Variants in ETFB observed in about 807,000 individuals in gnomAD.
ETFB encodes the protein beta-ETF.
ETFB carries 20 observed loss-of-function variants against 25.6 expected under a neutral mutation model. That is an observed-to-expected ratio of 0.78 (90% CI 0.55 to 1.14). The LOEUF is 1.14. ETFB is among the 50% of genes most tolerant of loss of function. The pLI is 0.00. For synonymous variants in ETFB, 142 were observed against 146.7 expected (o/e 0.97, Z 0.23); for missense variants, 286 against 342.6 (o/e 0.83, Z 1.30).
At chr19:51,350,468 G>T in intron 3 of ETFB, 77 bp from the exon 4 acceptor site, 1 of 799,660 alleles carries the variant, frequency 1.3e-6, no homozygotes, top group Non-Finnish European at 2.2e-6. Flanking sequence ...CTAGAACAGG[G>T]GTTGGCAAAC....
rs1599838808 is a variant in ETFB at position 51,347,190 on chromosome 19, A to G, written c.439-132T>C. The G allele has an allele frequency of 1.6e-5, 15 of 923,858 alleles. No individual in the cohort carries two copies. The East Asian group carries it at 3.1e-4, about 19-fold the overall frequency. The allele number at this position is 923,858 out of a possible 1,614,324, so 57.2% of individuals were successfully genotyped here. A position where few individuals can be genotyped will look rare whatever the true frequency, so the allele number is the denominator to read the frequency against. On this transcript the variant is annotated intron_variant, in intron 4 of 5. Transcript: ENST00000309244. ...GAGGGAGCGAACAATGCAGGGTCCC[A>G]TGAGGTTTAGAATCGAGCTTGTACA...
chr19:51,353,976 A>G (rs34421341), intron 2 of ETFB, among the ~76,000 whole-genome samples, 174 bp downstream of exon 2: 11 of 130,364 alleles, frequency 8.4e-5, no homozygotes, highest in African/African-American at 1.2e-4. Context: ...CCAGGAGTCC[A>G]GGCCCCCATC....
chr19:51,356,199 T>C (rs1034614197), intron 1 of ETFB: 1 of 152,102 alleles, frequency 6.6e-6, no homozygotes, highest in Non-Finnish European at 1.5e-5. Context: ...AGAGCTTTCT[T>C]CTTTTGCTTA....
At chr19:51,362,172 C>T (rs903714338) in intron 1 of ETFB, among the ~76,000 whole-genome samples, 22 of 137,560 alleles carry the variant, frequency 1.6e-4, no homozygotes, top group African/African-American at 5.2e-4. Context: ...TACACACACA[C>T]ACACACACAC....
Position 51,347,056 on chromosome 19 carries a change from G to A in ETFB, c.441C>T (p.Gly147=). ...CCAGCGTCACCTGGGAGGCGAATGT[G>A]CCCTGGGGAGGGACAGTGTAGGAGG... ...MTAGFLDWPQ[G]TFASQVTLEG... Residue 147 remains glycine, a splice_region_variant and synonymous_variant, in exon 5 of 6, where the codon GGC becomes GGT. Transcript: ENST00000309244. The A allele has an allele frequency of 1.2e-6, 2 of 1,613,994 alleles. No homozygotes were observed. The highest frequency in any genetic ancestry group is 1.3e-5 in the African/African-American group (1 of 75,042).
chr19:51,346,576 C>T (rs1985788426), intron 5 of ETFB: 1 of 319,386 alleles, frequency 3.1e-6, no homozygotes, highest in Non-Finnish European at 5.9e-6. Flanking sequence ...AGGGGACCCT[C>T]CCTAATGAAC....
At position 51,350,333 on chromosome 19, in the gene ETFB, G is replaced by A; in HGVS notation, c.434C>T (p.Pro145Leu). Reference sequence around the variant, plus strand: ...TGCTCCCCACTCCAGTCTCACCTGTGGCCAGTCAAGAAATCCAGCTGTCAT... The same window carrying A: ...TGCTCCCCACTCCAGTCTCACCTGTAGCCAGTCAAGAAATCCAGCTGTCAT... Reference protein sequence around the residue: ...GQMTAGFLDWPQGTFASQVTL... With the variant: ...GQMTAGFLDWLQGTFASQVTL... The change falls in exon 4 of 6, where the codon CCA (proline) becomes CTA (leucine). Residue 145 changes from proline to leucine, a missense_variant. Pro to Leu is a moderately conservative substitution (Grantham distance 98). Transcript: ENST00000309244. 1.2e-6 allele frequency: 2 copies of A among 1,610,652 alleles called. No homozygotes were observed. Among genetic ancestry groups the A allele is most frequent in the South Asian group, 2.2e-5 (2 of 90,198 alleles).
At chr19:51,350,075 C>T in intron 4 of ETFB, 2 of 462,744 alleles carry the variant, frequency 4.3e-6, no homozygotes, top group South Asian at 4.1e-5. Context: ...ATTGGACTGG[C>T]AGAGATGGGG....
At chr19:51,353,965 C>A (rs1391866840) in intron 2 of ETFB, among the ~76,000 whole-genome samples, 185 bp downstream of exon 2, 2 of 146,590 alleles carry the variant, frequency 1.4e-5, no homozygotes, top group Non-Finnish European at 3.0e-5. Context: ...CTTCCTCAGA[C>A]CCAGGAGTCC....
At chr19:51,354,669 A>C in intron 1 of ETFB, 2 of 1,605,692 alleles carry the variant, frequency 1.2e-6, no homozygotes, top group Non-Finnish European at 8.5e-7. Context: ...ATATAAATAC[A>C]TAATACACTG....
chr19:51,354,344 GA>G, intron 1 of ETFB, 36 bp from the exon 2 acceptor site: 2 of 1,614,058 alleles, frequency 1.2e-6, no homozygotes, highest in Non-Finnish European at 1.7e-6. Flanking sequence ...GGGTCAGGAG[GA>G]AACAGGCAAG....
At chr19:51,361,997 C>T (rs964631499) in intron 1 of ETFB, among the ~76,000 whole-genome samples, 6 of 152,118 alleles carry the variant, frequency 3.9e-5, no homozygotes. Context: ...CCACCAGGCC[C>T]AGCCTTTCTC....
chr19:51,354,429 T>C (rs1430660422), intron 1 of ETFB, 121 bp from the exon 2 acceptor site: 28 of 1,613,782 alleles, frequency 1.7e-5, no homozygotes, highest in Non-Finnish European at 2.4e-5. Flanking sequence ...GGGCAGGGCC[T>C]TGTCCGGGGT....
Position 51,345,336 on chromosome 19 carries a change from C to T in ETFB, c.643G>A (p.Gly215Ser). ...GAGAGCTTGGAGGTCAGGTCCACAC[C>T]CAGGTCCCCAGGCTTGATCACCTCG... ...KIEVIKPGDLGVDLTSKLSVI... is the reference protein window; with the variant it reads ...KIEVIKPGDLSVDLTSKLSVI... The change falls in exon 6 of 6, where the codon GGT becomes AGT. Residue 215 changes from glycine (G) to serine (S), a missense_variant. Transcript: ENST00000309244. 1 of 1,614,114 alleles carries T rather than the reference C, an allele frequency of 6.2e-7. No individual in the cohort carries two copies. The highest frequency in any genetic ancestry group is 1.6e-4 in the Middle Eastern group (1 of 6,062).
At chr19:51,366,205 C>T in intron 1 of ETFB, 65 bp downstream of exon 1, 3 of 1,512,146 alleles carry the variant, frequency 2.0e-6, no homozygotes, top group South Asian at 1.1e-5. Context: ...ACCCAGTGTG[C>T]GCTCGTGGCC....
chr19:51,363,870 G>T (rs183373065), intron 1 of ETFB, among the ~76,000 whole-genome samples: 1 of 152,314 alleles, frequency 6.6e-6, no homozygotes, highest in Non-Finnish European at 1.5e-5. Context: ...GGCCTGGTCT[G>T]TCAGGACAGG....
At chr19:51,360,931 GCCTGCCACCA>G (rs1403810503) in intron 1 of ETFB, among the ~76,000 whole-genome samples, 2 of 151,920 alleles carry the variant, frequency 1.3e-5, no homozygotes, top group Non-Finnish European at 2.9e-5. Flanking sequence ...GACTACAGGC[GCCTGCCACCA>G]CGCCTGGCTA....
At chr19:51,362,959 G>A (rs2123613840) in intron 1 of ETFB, among the ~76,000 whole-genome samples, 1 of 152,304 alleles carries the variant, frequency 6.6e-6, no homozygotes, top group Admixed American at 6.5e-5. Flanking sequence ...TGGGCTCTCA[G>A]AGGGTGCCCC....
At position 51,360,111 on chromosome 19, in the gene ETFB, C is replaced by T. The variant is rs143942615; in HGVS notation, c.58-5803G>A. On this transcript the variant is annotated intron_variant, in intron 1 of 5. Coordinates refer to ENST00000309244, the MANE Select transcript of ETFB (RefSeq NM_001985.3). ...ACGACATATCCACCAATATCAAAAACAGCCTCAAAGCTGGGCGTGGCGGCT... is the reference window on the plus strand; with the variant it reads ...ACGACATATCCACCAATATCAAAAATAGCCTCAAAGCTGGGCGTGGCGGCT... Among the ~76,000 whole-genome samples, 302 of 152,016 alleles carry T rather than the reference C, an allele frequency of 2.0e-3. 2 individuals are homozygous for T. Among genetic ancestry groups the T allele is most frequent in the African/African-American group, 7.0e-3 (291 of 41,472 alleles).
Sources: gnomAD v4.1 joint callset for allele counts (sites outside exome capture counted in the v4.1 genomes callset) on GRCh38, gnomAD v4.1.1 for gene constraint, MANE v1.5 for transcripts, NCBI Gene and HGNC (gene_info 2026-07-23, HGNC 2026-07-21) for gene names.